Variants in DOCK1 observed in about 807,000 individuals in gnomAD.
DOCK1 encodes the protein dedicator of cytokinesis 1.
Under a neutral mutation model 262.7 loss-of-function variants are expected in DOCK1, and 138 were observed. The ratio of observed to expected loss-of-function variants is 0.53; its 90% CI spans 0.46 to 0.61. DOCK1 has a LOEUF of 0.61. Among genes scored for constraint, DOCK1 ranks in the 20% least tolerant of loss-of-function variants. The pLI, the probability that DOCK1 is intolerant of heterozygous loss-of-function variation, is 0.00. For missense variants in DOCK1, 1,908 were observed against 2,370.7 expected (o/e 0.80, Z 4.05); for synonymous variants, 866 against 867.4 (o/e 1.00, Z 0.03).
chr10:127,093,235 C>CT (rs1221494460), intron 23 of DOCK1, among the ~76,000 whole-genome samples: 13 of 113,802 alleles, frequency 1.1e-4, no homozygotes, highest in African/African-American at 2.6e-4. Flanking sequence ...TTCTTTCTTT[C>CT]TTTCTTCTTT....
In DOCK1 at chr10:127,053,264, C is replaced by G. The variant is rs1163739617; in HGVS notation, c.2336+449C>G. Among the ~76,000 whole-genome samples the G allele has an allele frequency of 2.6e-5, 4 of 152,214 alleles. No individual in the cohort carries two copies. In the East Asian group the frequency reaches 7.7e-4, roughly 29 times the overall value. On this transcript the variant is annotated intron_variant, in intron 22 of 51. Coordinates refer to ENST00000623213, the MANE Select transcript of DOCK1 (RefSeq NM_001290223.2). Reference sequence around the variant, plus strand: ...GGCTGAGGCAGGAGAAGGGCGTGAACCCGGGAGGCGGAGCTTGCAGCGAGC... The same window carrying G: ...GGCTGAGGCAGGAGAAGGGCGTGAAGCCGGGAGGCGGAGCTTGCAGCGAGC...
At chr10:127,332,493 AC>A (rs945659166) in intron 29 of DOCK1, among the ~76,000 whole-genome samples, 3 of 151,658 alleles carry the variant, frequency 2.0e-5, no homozygotes, top group Non-Finnish European at 4.4e-5. Flanking sequence ...ATCCTCAGGC[AC>A]CCCCTCCACC....
intron 27 of DOCK1, among the ~76,000 whole-genome samples, chr10:127,128,857 A>G (rs998914509): frequency 2.6e-5 from 4 of 152,354 alleles, no homozygotes; most frequent in Non-Finnish European, 4.4e-5. Context: ...ATGCCCATCA[A>G]AGATAGACTG....
chr10:127,391,486 G>A (rs891613426), intron 38 of DOCK1, among the ~76,000 whole-genome samples: 3 of 152,132 alleles, frequency 2.0e-5, no homozygotes, highest in Non-Finnish European at 2.9e-5. Flanking sequence ...AGAATTATGC[G>A]CCTCGGTGAT....
intron 1 of DOCK1, among the ~76,000 whole-genome samples, chr10:126,967,174 C>T (rs982572296): frequency 1.3e-5 from 2 of 152,152 alleles, no homozygotes; most frequent in African/African-American, 2.4e-5. Context: ...CTTTGTAGTA[C>T]GTCATATGTC....
In DOCK1 at chr10:126,918,770, C is replaced by T. The variant is rs577531126; in HGVS notation, c.46+13207C>T. ...ACTCATGGTAAACACTCAACAGCTG[C>T]TTACTGTTACTAATGATACTGTGTT... is the stretch of plus-strand genomic sequence containing the variant. On this transcript the variant is annotated intron_variant, in intron 1 of 51. Coordinates refer to ENST00000623213, the MANE Select transcript of DOCK1 (RefSeq NM_001290223.2). 1.7e-3 allele frequency among the ~76,000 whole-genome samples: 257 copies of T among 152,326 alleles called. 1 individual carries two copies. The highest frequency in any genetic ancestry group is 6.0e-3 in the African/African-American group (249 of 41,576).
intron 27 of DOCK1, among the ~76,000 whole-genome samples, chr10:127,186,458 G>C (rs751057334): frequency 2.3e-5 from 3 of 130,866 alleles, no homozygotes; most frequent in Non-Finnish European, 4.6e-5. Flanking sequence ...ACAACCATCA[G>C]ATCTCCTGCG....
intron 29 of DOCK1, among the ~76,000 whole-genome samples, chr10:127,280,071 G>A (rs1222998398): frequency 1.6e-5 from 2 of 124,420 alleles, no homozygotes; most frequent in African/African-American, 6.2e-5. Context: ...GTCTCGCTCT[G>A]TCGCCCAGGC....
intron 1 of DOCK1, among the ~76,000 whole-genome samples, chr10:126,963,831 T>C (rs1295078790): frequency 6.6e-6 from 1 of 152,048 alleles, no homozygotes; most frequent in Non-Finnish European, 1.5e-5. Flanking sequence ...CAGTAAGTGC[T>C]ACCATTCAGG....
chr10:127,378,223 AG>A (rs1197795956), intron 35 of DOCK1, among the ~76,000 whole-genome samples: 1 of 152,214 alleles, frequency 6.6e-6, no homozygotes, highest in Non-Finnish European at 1.5e-5. Flanking sequence ...AATTAAATGC[AG>A]AGTGGGGTCC....
intron 31 of DOCK1, among the ~76,000 whole-genome samples, chr10:127,350,910 C>G (rs544311545): frequency 1.5e-4 from 23 of 152,272 alleles, no homozygotes; most frequent in Admixed American, 6.5e-4. Flanking sequence ...ACAGGGACAT[C>G]ATCACTCTCT....
chr10:127,147,691 C>T (rs775344775), intron 27 of DOCK1, among the ~76,000 whole-genome samples: 21 of 152,010 alleles, frequency 1.4e-4, no homozygotes, highest in African/African-American at 4.6e-4. Flanking sequence ...TTTAGGACCC[C>T]AAATGGAAAG....
intron 49 of DOCK1, 82 bp downstream of exon 49, chr10:127,439,307 C>A (rs895462561): frequency 3.5e-6 from 5 of 1,419,462 alleles, no homozygotes; most frequent in Non-Finnish European, 4.8e-6. Context: ...ACAGGGCTGA[C>A]GGTGGGCTCT....
At chr10:127,324,983 T>C (rs1050135577) in intron 29 of DOCK1, among the ~76,000 whole-genome samples, 3 of 152,156 alleles carry the variant, frequency 2.0e-5, no homozygotes, top group African/African-American at 7.2e-5. Context: ...CGTTGGGCAC[T>C]GTCCTTCAAC....
At chr10:126,929,525 G>A (rs1210935436) in intron 1 of DOCK1, among the ~76,000 whole-genome samples, 1 of 152,082 alleles carries the variant, frequency 6.6e-6, no homozygotes, top group African/African-American at 2.4e-5. Flanking sequence ...GGCTCCTGGC[G>A]AGCCTTGGAG....
intron 27 of DOCK1, among the ~76,000 whole-genome samples, chr10:127,196,426 AG>A (rs1266355172): frequency 6.7e-6 from 1 of 148,568 alleles, no homozygotes; most frequent in Non-Finnish European, 1.5e-5. Flanking sequence ...TCTCAGAGCC[AG>A]GGCCAGGAGG....
chr10:127,205,047 GT>G (rs374699432), intron 27 of DOCK1, among the ~76,000 whole-genome samples: 78 of 149,428 alleles, frequency 5.2e-4, no homozygotes, highest in Admixed American at 2.7e-3. Flanking sequence ...TTTATTGATG[GT>G]TTTTTTTTTC....
At position 127,110,290 on chromosome 10, in the gene DOCK1, G is replaced by A. The variant is rs774403334; in HGVS notation, c.2559G>A (p.Leu853=). The change falls in exon 25 of 52, where the codon TTG becomes TTA. Residue 853 remains leucine (L), a synonymous_variant. Transcript: ENST00000623213. ...TEFILNVPMG[L]LTIQKLYCLI... ...TCATCCTCAATGTTCCCATGGGCTTGCTGACCATCCAGAAACTCTACTGCT... is the reference window on the plus strand; with the variant it reads ...TCATCCTCAATGTTCCCATGGGCTTACTGACCATCCAGAAACTCTACTGCT... 1 of 1,613,620 alleles carries A rather than the reference G, an allele frequency of 6.2e-7. No homozygotes were observed. The highest frequency in any genetic ancestry group is 1.7e-5 in the Admixed American group (1 of 59,994).
At chr10:127,345,113 T>G (rs896212565) in intron 31 of DOCK1, among the ~76,000 whole-genome samples, 2 of 152,156 alleles carry the variant, frequency 1.3e-5, no homozygotes, top group African/African-American at 4.8e-5. Context: ...GTATCTCAGT[T>G]TGTGTAAGTT....
Sources: gnomAD v4.1 joint callset for allele counts (sites outside exome capture counted in the v4.1 genomes callset) on GRCh38, gnomAD v4.1.1 for gene constraint, MANE v1.5 for transcripts, NCBI Gene and HGNC (gene_info 2026-07-23, HGNC 2026-07-21) for gene names.